Variants in LSAMP observed in about 807,000 individuals in gnomAD.
LSAMP encodes the protein limbic system associated membrane protein, also known as limbic system-associated membrane protein.
Under a neutral mutation model 38.6 loss-of-function variants are expected in LSAMP, and 7 were observed. That is an observed-to-expected ratio of 0.18 (90% CI 0.10 to 0.34). The LOEUF (loss-of-function observed/expected upper bound fraction) is 0.34. Among genes scored for constraint, LSAMP ranks in the 10% least tolerant of loss-of-function variants. The pLI, the probability that LSAMP is intolerant of heterozygous loss-of-function variation, is 1.00. For missense variants in LSAMP, 313 were observed against 420.0 expected (o/e 0.75, Z 2.23); for synonymous variants, 154 against 166.8 (o/e 0.92, Z 0.59).
intron 1 of LSAMP, among the ~76,000 whole-genome samples, chr3:116,423,178 G>T (rs977915168): frequency 6.6e-6 from 1 of 152,154 alleles, no homozygotes; most frequent in Non-Finnish European, 1.5e-5. Context: ...TTAGTTTCGT[G>T]TATCTTTAGG....
At chr3:115,844,925 C>T (rs1445360907) in intron 4 of LSAMP, among the ~76,000 whole-genome samples, 4 of 152,026 alleles carry the variant, frequency 2.6e-5, no homozygotes, top group African/African-American at 7.3e-5. Context: ...TGCAGTGAGC[C>T]GAGATCGAGC....
chr3:116,233,711 C>T lies in LSAMP; in HGVS notation c.156-147155G>A, dbSNP rs181161894. On this transcript the variant is annotated intron_variant, in intron 1 of 6. Transcript: ENST00000490035. ...TTTTTTTTTAGCTCCCCTCTCCCCG[C>T]CACCAAAAAAAGAAAAGATGGCCTT... Among the ~76,000 whole-genome samples the T allele has an allele frequency of 1.8e-4, 28 of 151,878 alleles. 1 individual carries two copies. The highest frequency in any genetic ancestry group is 6.8e-4 in the African/African-American group (28 of 41,366).
intron 1 of LSAMP, among the ~76,000 whole-genome samples, chr3:116,271,796 C>T (rs532043837): frequency 4.6e-5 from 7 of 152,034 alleles, no homozygotes; most frequent in East Asian, 3.9e-4. Context: ...ATTACTGTTC[C>T]GTGGGTACAG....
intron 1 of LSAMP, among the ~76,000 whole-genome samples, chr3:116,380,798 G>C (rs7619749): frequency 0.12 from 18,477 of 151,906 alleles, 1,688 homozygotes; most frequent in African/African-American, 0.26. Context: ...CTATTGATGG[G>C]TATTTCTATT....
intron 1 of LSAMP, among the ~76,000 whole-genome samples, chr3:116,273,653 C>T (rs2047003611): frequency 8.8e-6 from 1 of 113,566 alleles, no homozygotes; most frequent in Non-Finnish European, 1.7e-5. Flanking sequence ...AGGAATACCC[C>T]AGAGGACCAC....
At chr3:116,086,754 T>C (rs1156407101) in intron 1 of LSAMP, among the ~76,000 whole-genome samples, 198 bp from the exon 2 acceptor site, 1 of 152,202 alleles carries the variant, frequency 6.6e-6, no homozygotes, top group African/African-American at 2.4e-5. Context: ...ATGGATGTCA[T>C]TATATTAGAC....
chr3:116,395,583 G>GC (rs2048757378), intron 1 of LSAMP, among the ~76,000 whole-genome samples: 2 of 152,160 alleles, frequency 1.3e-5, no homozygotes, highest in Non-Finnish European at 2.9e-5. Context: ...AGCTCTGGGA[G>GC]TTGCAAGCAA....
At chr3:116,290,563 C>T (rs2107692801) in intron 1 of LSAMP, among the ~76,000 whole-genome samples, 1 of 151,898 alleles carries the variant, frequency 6.6e-6, no homozygotes, top group Middle Eastern at 3.4e-3. Context: ...AACCCTATCT[C>T]TACTAAAAAT....
At chr3:115,968,153 T>TCTTGGGG (rs1938887946) in intron 3 of LSAMP, among the ~76,000 whole-genome samples, 1 of 152,036 alleles carries the variant, frequency 6.6e-6, no homozygotes. Flanking sequence ...TGTCCTGGAA[T>TCTTGGGG]AAGGAACCCC....
At chr3:115,855,342 G>T (rs532071384) in intron 3 of LSAMP, among the ~76,000 whole-genome samples, 1 of 152,240 alleles carries the variant, frequency 6.6e-6, no homozygotes, top group East Asian at 1.9e-4. Context: ...ACCAATATAA[G>T]TATTAGTAAT....
At chr3:116,011,579 A>T (rs62268854) in intron 3 of LSAMP, among the ~76,000 whole-genome samples, 1 of 150,086 alleles carries the variant, frequency 6.7e-6, no homozygotes, top group African/African-American at 2.5e-5. Context: ...AAAAAAAAAA[A>T]TTAACCTGAC....
chr3:116,444,068 GA>G (rs896309757), intron 1 of LSAMP, among the ~76,000 whole-genome samples: 2 of 151,926 alleles, frequency 1.3e-5, no homozygotes, highest in South Asian at 4.2e-4. Flanking sequence ...GAGCTGCACA[GA>G]AAAAAAGACT....
At chr3:116,250,012 C>T (rs925300832) in intron 1 of LSAMP, among the ~76,000 whole-genome samples, 2 of 152,024 alleles carry the variant, frequency 1.3e-5, no homozygotes, top group East Asian at 1.9e-4. Context: ...GTTCGTAGAT[C>T]GAGAAAGATA....
chr3:116,134,130 A>G (rs185319005), intron 1 of LSAMP, among the ~76,000 whole-genome samples: 1 of 152,282 alleles, frequency 6.6e-6, no homozygotes, highest in East Asian at 1.9e-4. Flanking sequence ...GACAGGAGTT[A>G]TTATTGGTTT....
At chr3:115,979,213 A>C (rs868297858) in intron 3 of LSAMP, among the ~76,000 whole-genome samples, 2 of 152,046 alleles carry the variant, frequency 1.3e-5, no homozygotes, top group South Asian at 4.2e-4. Context: ...AAGAAAAAAA[A>C]CAGAATAAGT....
At chr3:116,181,076 G>A (rs768183231) in intron 1 of LSAMP, among the ~76,000 whole-genome samples, 7 of 151,960 alleles carry the variant, frequency 4.6e-5, no homozygotes, top group African/African-American at 9.7e-5. Context: ...ATTGTGCTTG[G>A]CCAAAGAAGT....
chr3:116,236,862 ATTCT>A (rs66525365), intron 1 of LSAMP, among the ~76,000 whole-genome samples: 108,460 of 150,936 alleles, frequency 0.72, 40,449 homozygotes, highest in South Asian at 0.84. Flanking sequence ...TGGGCCTTAG[ATTCT>A]TTATCTGTAA....
intron 1 of LSAMP, among the ~76,000 whole-genome samples, chr3:116,402,199 C>T (rs1193697404): frequency 1.3e-5 from 2 of 152,108 alleles, no homozygotes; most frequent in East Asian, 3.9e-4. Context: ...CATGTTAGGG[C>T]TAAAGACCAA....
At chr3:115,816,659 A>G in intron 6 of LSAMP, 5 of 1,280,696 alleles carry the variant, frequency 3.9e-6, no homozygotes, top group Non-Finnish European at 5.1e-6. Flanking sequence ...AAAATAAGAA[A>G]CATTAAGCAA....
Sources: gnomAD v4.1 joint callset for allele counts (sites outside exome capture counted in the v4.1 genomes callset) on GRCh38, gnomAD v4.1.1 for gene constraint, MANE v1.5 for transcripts, NCBI Gene and HGNC (gene_info 2026-07-23, HGNC 2026-07-21) for gene names.